CSMD3: variants seen among roughly 807,000 people sequenced by gnomAD.
CSMD3 encodes the protein CUB and sushi domain-containing protein 3.
Under a neutral mutation model 435.2 loss-of-function variants are expected in CSMD3, and 177 were observed. The observed-to-expected ratio is 0.41, with a 90% CI of 0.36 to 0.46. The LOEUF is 0.46. Among genes scored for constraint, CSMD3 ranks in the 20% least tolerant of loss-of-function variants. CSMD3 has a pLI of 0.34. For missense variants in CSMD3, 4,265 were observed against 4,504.6 expected (o/e 0.95, Z 1.52); for synonymous variants, 1,656 against 1,520.5 (o/e 1.09, Z -2.07).
chr8:112,994,235 T>C (rs1438183025), intron 6 of CSMD3, among the ~76,000 whole-genome samples: 4 of 151,758 alleles, frequency 2.6e-5, no homozygotes, highest in Non-Finnish European at 5.9e-5. Context: ...TCAAGAAAAT[T>C]TGTAAAGCAA....
chr8:112,789,775 C>T (rs1008421784), intron 13 of CSMD3, among the ~76,000 whole-genome samples: 5 of 151,844 alleles, frequency 3.3e-5, no homozygotes, highest in African/African-American at 1.2e-4. Flanking sequence ...TTGGATTTCA[C>T]TTGAGTTAAA....
rs541673938 is a variant in CSMD3, at chr8:112,739,809, TTAAG to T, written c.1973-49763_1973-49760del. Among the ~76,000 whole-genome samples, 10 of 151,968 alleles carry T rather than the reference TTAAG, an allele frequency of 6.6e-5. No individual in the cohort carries two copies. In the South Asian group the frequency reaches 1.9e-3, roughly 28 times the overall value. Reference sequence around the variant, plus strand: ...TTTCTTACATAATATAAATATACATTTAAGTGTTTGAATATTAAATGTTAATAAT... The same window carrying T: ...TTTCTTACATAATATAAATATACATTTGTTTGAATATTAAATGTTAATAAT... On this transcript the variant is annotated intron_variant, in intron 13 of 70. Transcript: ENST00000297405.
intron 3 of CSMD3, among the ~76,000 whole-genome samples, chr8:113,181,521 C>T (rs549268433): frequency 6.6e-6 from 1 of 152,024 alleles, no homozygotes; most frequent in African/African-American, 2.4e-5. Context: ...GAGGTAATGC[C>T]CATTCAATTG....
At chr8:113,151,870 A>G (rs987611946) in intron 4 of CSMD3, among the ~76,000 whole-genome samples, 12 of 152,060 alleles carry the variant, frequency 7.9e-5, no homozygotes, top group African/African-American at 2.9e-4. Context: ...TCAAAATATA[A>G]CAGGAAATTC....
intron 30 of CSMD3, among the ~76,000 whole-genome samples, chr8:112,498,079 C>G (rs1284162881): frequency 6.6e-6 from 1 of 152,006 alleles, no homozygotes; most frequent in Non-Finnish European, 1.5e-5. Context: ...TCTACCTATA[C>G]TTATATTTTT....
chr8:112,666,423 A>G lies in CSMD3; in HGVS notation c.2678-8T>C. 1 of 1,610,756 alleles carries G rather than the reference A, an allele frequency of 6.2e-7. No homozygotes were observed. The highest frequency in any genetic ancestry group is 8.5e-7 in the Non-Finnish European group (1 of 1,177,910). On this transcript the variant is annotated splice_region_variant and splice_polypyrimidine_tract_variant and intron_variant, in intron 16 of 70. Coordinates refer to ENST00000297405, the MANE Select transcript of CSMD3 (RefSeq NM_198123.2). ...AATGGCCACCACATGGGGCTGAAAA[A>G]TTAAATCAGACAAGTAAGAATAAAA... is the stretch of plus-strand genomic sequence containing the variant.
intron 38 of CSMD3, among the ~76,000 whole-genome samples, chr8:112,370,023 G>A (rs200257715): frequency 1.2e-3 from 83 of 66,572 alleles, no homozygotes; most frequent in African/African-American, 3.5e-3. Context: ...AAGAAGAAGA[G>A]GAAGAAGAAG....
intron 63 of CSMD3, among the ~76,000 whole-genome samples, chr8:112,248,549 C>T (rs1488119750): frequency 6.6e-6 from 1 of 152,070 alleles, no homozygotes; most frequent in Non-Finnish European, 1.5e-5. Context: ...TTGTACTTCT[C>T]CAGCAATTGC....
chr8:112,956,529 A>G (rs768435073), intron 7 of CSMD3, among the ~76,000 whole-genome samples: 2 of 152,142 alleles, frequency 1.3e-5, no homozygotes, highest in Admixed American at 6.5e-5. Context: ...ATTTGACTTT[A>G]TAAGTATTAA....
At chr8:113,278,827 AATGCT>A in intron 2 of CSMD3, 123 bp from the exon 3 acceptor site, 1 of 632,338 alleles carries the variant, frequency 1.6e-6, no homozygotes, top group Non-Finnish European at 2.9e-6. Context: ...TTCCAGAAGG[AATGCT>A]ATCCAGCCAA....
At chr8:112,906,176 T>C (rs569581871) in intron 10 of CSMD3, among the ~76,000 whole-genome samples, 4 of 151,440 alleles carry the variant, frequency 2.6e-5, no homozygotes, top group Admixed American at 1.3e-4. Context: ...CTATTTAGTA[T>C]AGAATTCCAA....
intron 22 of CSMD3, among the ~76,000 whole-genome samples, chr8:112,621,826 C>A (rs1377086631): frequency 6.6e-6 from 1 of 152,110 alleles, no homozygotes; most frequent in Non-Finnish European, 1.5e-5. Context: ...TCTTGGCTTT[C>A]AAAAATATCT....
intron 1 of CSMD3, among the ~76,000 whole-genome samples, chr8:113,383,102 G>A (rs987561012): frequency 6.6e-6 from 1 of 152,162 alleles, no homozygotes; most frequent in Admixed American, 6.5e-5. Flanking sequence ...ATGAGGAGGA[G>A]GAATGGACAC....
At chr8:112,966,440 T>G in intron 7 of CSMD3, among the ~76,000 whole-genome samples, 1 of 151,544 alleles carries the variant, frequency 6.6e-6, no homozygotes, top group Non-Finnish European at 1.5e-5. Flanking sequence ...TTGTATACTT[T>G]TCTTTTTTCT....
intron 1 of CSMD3, among the ~76,000 whole-genome samples, chr8:113,343,360 C>T (rs985867918): frequency 9.9e-5 from 15 of 151,990 alleles, no homozygotes; most frequent in African/African-American, 3.6e-4. Context: ...GACTTTATAT[C>T]AGATTGGAGA....
intron 27 of CSMD3, among the ~76,000 whole-genome samples, chr8:112,548,187 G>C (rs1027552851): frequency 1.3e-5 from 2 of 152,114 alleles, no homozygotes; most frequent in African/African-American, 4.8e-5. Context: ...TAGAACCAGA[G>C]AGGGCATCTG....
rs149697289 is a variant in CSMD3 at position 112,341,673 on chromosome 8, C to A, written c.6456G>T (p.Gln2152His). The change falls in exon 42 of 71, where the codon CAG (glutamine) becomes CAT (histidine). Residue 2152 changes from glutamine (Q) to histidine (H), a missense_variant. By Grantham distance (24) the Gln-to-His change is conservative (BLOSUM62 0). Around this residue, in one of 3 missense-constraint regions of CSMD3, gnomAD observed 3,255 missense variants for 3,380.2 expected, o/e 0.96. Coordinates refer to ENST00000297405, the MANE Select transcript of CSMD3 (RefSeq NM_198123.2). ...NLPIGFGVHL[Q>H]FVNFSTETIH... The stretch of plus-strand genomic sequence containing the variant: ...TGGTTTCTGTAGAAAAATTTACAAA[C>A]TGGAGATGTACACCTGAAGAAGAAA... 44 of 1,603,440 alleles carry A rather than the reference C, an allele frequency of 2.7e-5. No individual in the cohort carries two copies. In the African/African-American group the frequency reaches 5.8e-4, roughly 21 times the overall value.
chr8:112,955,827 T>A (rs1324329014), intron 7 of CSMD3, among the ~76,000 whole-genome samples: 2 of 151,922 alleles, frequency 1.3e-5, no homozygotes, highest in Non-Finnish European at 2.9e-5. Context: ...TTCTTCATGC[T>A]ATAAATTTAA....
At chr8:112,335,853 G>C (rs906232154) in intron 44 of CSMD3, among the ~76,000 whole-genome samples, 1 of 151,192 alleles carries the variant, frequency 6.6e-6, no homozygotes, top group African/African-American at 2.4e-5. Context: ...ACAACTCTTA[G>C]AACTCAGATA....
Sources: allele counts gnomAD v4.1 joint callset (sites outside exome capture counted in the v4.1 genomes callset), GRCh38; gene constraint gnomAD v4.1.1; regional missense constraint gnomAD v4.1.1; transcripts MANE v1.5; gene names NCBI Gene and HGNC (gene_info 2026-07-23, HGNC 2026-07-21).